The following SPTBN1 variants were observed in gnomAD, a reference collection of about 807,000 sequenced individuals.
SPTBN1 encodes spectrin beta, non-erythrocytic 1, also known as spectrin beta chain, non-erythrocytic 1.
A neutral mutation model predicts 266.4 loss-of-function variants in SPTBN1; 32 were observed. The ratio of observed to expected loss-of-function variants is 0.12; its 90% CI spans 0.09 to 0.16. SPTBN1 has a LOEUF of 0.16. Ranked by LOEUF, SPTBN1 falls within the 10% of genes least tolerant of loss-of-function variation. The pLI is 1.00. For missense variants in SPTBN1, 2,296 were observed against 3,067.1 expected, an observed-to-expected ratio of 0.75 and a Z score of 5.94; for synonymous variants, 1,336 against 1,162.2, an observed-to-expected ratio of 1.15 and a Z score of -3.04.
Position 54,526,488 on chromosome 2 carries a change from C to T in SPTBN1, c.70C>T (p.Arg24Cys). 6.2e-7 allele frequency: 1 copy of T among 1,614,160 alleles called. No individual in the cohort carries two copies. ...GCAGCAGTACAGTGATGTCAACAAC[C>T]GCTGGGATGTCGACGACTGGGACAA... ...IQQQYSDVNNRWDVDDWDNEN... is the reference protein window; with the variant it reads ...IQQQYSDVNNCWDVDDWDNEN... Residue 24 changes from arginine (R) to cysteine (C), a missense_variant, in exon 2 of 36, where the codon CGC (arginine) becomes TGC (cysteine). Arg to Cys is a radical substitution (Grantham distance 180, BLOSUM62 -3). Around this residue, in one of 12 missense-constraint regions of SPTBN1, gnomAD observed 178 missense variants for 375.7 expected, o/e 0.47. Transcript: ENST00000356805.
chr2:54,594,851 T>TTTTTTTTTTTTG lies in SPTBN1; in HGVS notation c.149-4241_149-4240insTTTTTTTTTTTG, dbSNP rs10673399. On this transcript the variant is annotated intron_variant, in intron 2 of 35. Transcript: ENST00000356805. ...TAAGTTTCTTTTTTTTTTTTTTTTTTGAGACAGAGTTTCGCTCTTGTTGCC... is the reference window on the plus strand; with the variant it reads ...TAAGTTTCTTTTTTTTTTTTTTTTTTTTTTTTTTTTTGGAGACAGAGTTTCGCTCTTGTTGCC... 2.1e-4 allele frequency among the ~76,000 whole-genome samples: 31 copies of TTTTTTTTTTTTG among 144,966 alleles called. 1 individual carries two copies. Among genetic ancestry groups the TTTTTTTTTTTTG allele is most frequent in the African/African-American group, 7.8e-4 (28 of 35,928 alleles).
chr2:54,483,091 T>A (rs916529086), intron 1 of SPTBN1, among the ~76,000 whole-genome samples: 1 of 152,108 alleles, frequency 6.6e-6, no homozygotes, highest in African/African-American at 2.4e-5. Context: ...AGCCGAGGAA[T>A]GCCCTGGAAG....
intron 1 of SPTBN1, among the ~76,000 whole-genome samples, chr2:54,480,075 T>G (rs1296131295): frequency 1.3e-5 from 2 of 152,338 alleles, no homozygotes; most frequent in South Asian, 4.1e-4. Context: ...GCTCAGAAAG[T>G]AAAATTGACT....
chr2:54,595,093 A>T (rs143398730), intron 2 of SPTBN1, among the ~76,000 whole-genome samples: 3,160 of 152,210 alleles, frequency 0.021, 48 homozygotes, highest in Non-Finnish European at 0.032. Flanking sequence ...CAGCCTCCCA[A>T]AGTGCTGGGA....
At chr2:54,580,519 G>A (rs1287697892) in intron 2 of SPTBN1, among the ~76,000 whole-genome samples, 2 of 151,708 alleles carry the variant, frequency 1.3e-5, no homozygotes, top group Non-Finnish European at 2.9e-5. Context: ...AAGACCACTA[G>A]TATTGCCATT....
At chr2:54,456,942 G>T (rs1421894220) in intron 1 of SPTBN1, among the ~76,000 whole-genome samples, 1 of 151,312 alleles carries the variant, frequency 6.6e-6, no homozygotes, top group Non-Finnish European at 1.5e-5. Flanking sequence ...GCGGACAGCG[G>T]ACAGCCGGAG....
At chr2:54,604,054 C>A (rs1464447263) in intron 3 of SPTBN1, among the ~76,000 whole-genome samples, 1 of 152,168 alleles carries the variant, frequency 6.6e-6, no homozygotes, top group Non-Finnish European at 1.5e-5. Context: ...TATGGTAAGT[C>A]AGGGAAAATA....
chr2:54,629,109 A>C lies in SPTBN1; in HGVS notation c.1975A>C (p.Lys659Gln), dbSNP rs768841140. 2 of 1,613,658 alleles carry C rather than the reference A, an allele frequency of 1.2e-6. No individual in the cohort carries two copies. The highest frequency in any genetic ancestry group is 1.7e-6 in the Non-Finnish European group (2 of 1,179,918). ...GGAAGGCTGGATACGGGAGAAGGAG[A>C]AGATCCTGTCCTCGGACGATTACGG... Reference protein sequence around the residue: ...EEEGWIREKEKILSSDDYGKD... With the variant: ...EEEGWIREKEQILSSDDYGKD... Residue 659 changes from lysine to glutamine, a missense_variant, in exon 14 of 36, where the codon AAG becomes CAG. Coordinates refer to ENST00000356805, the MANE Select transcript of SPTBN1 (RefSeq NM_003128.3).
chr2:54,593,833 T>TCTTTTC, intron 2 of SPTBN1, among the ~76,000 whole-genome samples: 1 of 131,366 alleles, frequency 7.6e-6, no homozygotes, highest in South Asian at 2.8e-4. Context: ...CTTTTTTTTT[T>TCTTTTC]TTTTTTTTTT....
intron 1 of SPTBN1, among the ~76,000 whole-genome samples, chr2:54,483,955 G>A (rs912085602): frequency 3.9e-5 from 6 of 152,152 alleles, no homozygotes; most frequent in African/African-American, 1.2e-4. Flanking sequence ...AGCACTTTGG[G>A]GGGCTGAGGC....
intron 2 of SPTBN1, among the ~76,000 whole-genome samples, chr2:54,561,572 A>AG (rs1673300145): frequency 6.6e-6 from 1 of 152,104 alleles, no homozygotes; most frequent in Non-Finnish European, 1.5e-5. Flanking sequence ...AAATTTCAGG[A>AG]GGTGTGCCAT....
rs367996003 is a variant in SPTBN1 at position 54,646,247 on chromosome 2, G to A, written c.4638G>A (p.Glu1546=). Residue 1546 remains glutamate, a synonymous_variant, in exon 23 of 36, where the codon GAG becomes GAA. Transcript: ENST00000356805. The surrounding 1 kb of genome is among the most constrained non-coding windows in gnomAD (Gnocchi z 4.4). ...GHQPRIDDIF[E]RSQNIVTDSS... Reference sequence around the variant, plus strand: ...AGCCTCGCATTGACGACATCTTTGAGAGGAGCCAAAACATCGTCACTGACA... The same window carrying A: ...AGCCTCGCATTGACGACATCTTTGAAAGGAGCCAAAACATCGTCACTGACA... 6 of 1,613,954 alleles carry A rather than the reference G, an allele frequency of 3.7e-6. No homozygotes were observed. The highest frequency in any genetic ancestry group is 1.3e-5 in the African/African-American group (1 of 74,922).
rs769867628 is a variant in SPTBN1, at chr2:54,622,496, CA to C, written c.1064+10del. The C allele has an allele frequency of 6.2e-7, 1 of 1,612,820 alleles. No homozygotes were observed. Among genetic ancestry groups the C allele is most frequent in the Admixed American group, 1.7e-5 (1 of 59,962 alleles). Reference sequence around the variant, plus strand: ...GTGGAGAAACCACCCAAGTAAGATGCATATTGTAGTGTGATCATTAATATGG... The same window carrying C: ...GTGGAGAAACCACCCAAGTAAGATGCTATTGTAGTGTGATCATTAATATGG... On this transcript the variant is annotated intron_variant, in intron 9 of 35. Coordinates refer to ENST00000356805, the MANE Select transcript of SPTBN1 (RefSeq NM_003128.3).
intron 2 of SPTBN1, among the ~76,000 whole-genome samples, chr2:54,587,473 G>T (rs1178382935): frequency 6.6e-6 from 1 of 152,182 alleles, no homozygotes; most frequent in Non-Finnish European, 1.5e-5. Flanking sequence ...CTGCCGTTCT[G>T]TGTTGTTTAG....
chr2:54,630,183 C>T (rs898936535), intron 15 of SPTBN1, among the ~76,000 whole-genome samples, 154 bp downstream of exon 15: 2 of 152,156 alleles, frequency 1.3e-5, no homozygotes, highest in South Asian at 2.1e-4. Context: ...TTTGACATGT[C>T]CTTGTTTTGT....
intron 1 of SPTBN1, among the ~76,000 whole-genome samples, chr2:54,456,837 C>T (rs1480675081): frequency 6.6e-6 from 1 of 151,334 alleles, no homozygotes; most frequent in African/African-American, 2.4e-5. Context: ...CGGCGCGGCG[C>T]GGCGATTCCT....
intron 29 of SPTBN1, among the ~76,000 whole-genome samples, chr2:54,656,494 A>G (rs544713972): frequency 6.6e-6 from 1 of 152,314 alleles, no homozygotes; most frequent in Non-Finnish European, 1.5e-5. Context: ...ATTAGATTCT[A>G]TTTTTAATTC....
At chr2:54,458,857 G>A (rs538760736) in intron 1 of SPTBN1, among the ~76,000 whole-genome samples, 7 of 152,352 alleles carry the variant, frequency 4.6e-5, no homozygotes, top group African/African-American at 1.7e-4. Flanking sequence ...GTGCCTGCTT[G>A]TATTTTTAAA....
chr2:54,557,826 CT>C (rs1160785112), intron 2 of SPTBN1: 2 of 985,336 alleles, frequency 2.0e-6, no homozygotes. Flanking sequence ...TGAGCCCGAA[CT>C]TACACCTCCC....
Sources: allele counts gnomAD v4.1 joint callset (sites outside exome capture counted in the v4.1 genomes callset), GRCh38; gene constraint gnomAD v4.1.1; regional missense constraint gnomAD v4.1.1; non-coding constraint Gnocchi (gnomAD v3.1); transcripts MANE v1.5; gene names NCBI Gene and HGNC (gene_info 2026-07-23, HGNC 2026-07-21).